The following PCDHA4 variants were observed in gnomAD, a reference collection of about 807,000 sequenced individuals.
PCDHA4 encodes the protein protocadherin alpha-4.
A neutral mutation model predicts 61.4 loss-of-function variants in PCDHA4; 49 were observed. The observed-to-expected ratio is 0.80, with a 90% CI of 0.63 to 1.01. The LOEUF (loss-of-function observed/expected upper bound fraction) is 1.01. PCDHA4 is among the 50% of genes least tolerant of loss of function. PCDHA4 has a pLI of 0.00. For missense variants in PCDHA4, 1,254 were observed against 1,235.8 expected (o/e 1.01, Z -0.22); for synonymous variants, 590 against 550.3 (o/e 1.07, Z -1.01).
chr5:141,001,387 C>T (rs1282982040), intron 3 of PCDHA4, among the ~76,000 whole-genome samples: 3 of 152,188 alleles, frequency 2.0e-5, no homozygotes, highest in African/African-American at 7.2e-5. Context: ...GCCTAAGATC[C>T]TACAGAGAAC....
At chr5:140,841,330 T>C (rs2150313655) in intron 1 of PCDHA4, 15 of 1,609,434 alleles carry the variant, frequency 9.3e-6, no homozygotes, top group Non-Finnish European at 1.1e-5. Context: ...ACATGGATTA[T>C]CACTGGCGAG....
chr5:140,842,962 C>T lies in PCDHA4; in HGVS notation c.2385+33390C>T, dbSNP rs1554139576. 1.9e-6 allele frequency: 3 copies of T among 1,594,834 alleles called. 1 individual carries two copies. The African/African-American group carries it at 4.0e-5, about 21-fold the overall frequency. On this transcript the variant is annotated intron_variant, in intron 1 of 3. Transcript: ENST00000530339. ...ACGCGGGCGTGCCGCCTCTGGGCAG[C>T]AACGTGACGCTGCAGGTGTTCGTGC...
At chr5:140,841,614 G>T in intron 1 of PCDHA4, 2 of 1,614,122 alleles carry the variant, frequency 1.2e-6, no homozygotes, top group South Asian at 1.1e-5. Context: ...CTGTGCGGGC[G>T]GAGCGCGGAG....
intron 1 of PCDHA4, chr5:140,875,547 G>C (rs558501431): frequency 1.2e-6 from 2 of 1,614,152 alleles, no homozygotes; most frequent in Admixed American, 1.7e-5. Context: ...CAGCCTGGGA[G>C]GTGGGGAGCG....
At chr5:140,815,583 T>A (rs1203023917) in intron 1 of PCDHA4, 2 of 152,166 alleles carry the variant, frequency 1.3e-5, no homozygotes, top group African/African-American at 2.4e-5. Flanking sequence ...AATCAGATTT[T>A]AAAATATCAG....
chr5:140,963,386 A>G (rs189164274), intron 1 of PCDHA4, among the ~76,000 whole-genome samples: 2 of 152,344 alleles, frequency 1.3e-5, no homozygotes, highest in Admixed American at 1.3e-4. Flanking sequence ...CTCTGTGCCA[A>G]GCTCCCTACT....
intron 1 of PCDHA4, chr5:140,884,678 A>T (rs781881057): frequency 1.0e-5 from 16 of 1,553,210 alleles, no homozygotes; most frequent in South Asian, 4.9e-5. Context: ...CTTATATTTT[A>T]AAAAATTGTC....
At chr5:140,816,435 C>T (rs2126671679) in intron 1 of PCDHA4, 10 of 151,984 alleles carry the variant, frequency 6.6e-5, no homozygotes, top group African/African-American at 1.2e-4. Flanking sequence ...ATCTTTATGA[C>T]AATTATTTTG....
At chr5:140,869,878 A>G in intron 1 of PCDHA4, 1 of 1,610,122 alleles carries the variant, frequency 6.2e-7, no homozygotes, top group Non-Finnish European at 8.5e-7. Flanking sequence ...TGCTAAAGAA[A>G]CTCTTGTGCT....
rs372699466 is a variant in PCDHA4, at chr5:140,807,817, A to C, written c.630A>C (p.Leu210Phe). Residue 210 changes from leucine to phenylalanine, a missense_variant, in exon 1 of 4, where the codon TTA becomes TTC. Physicochemically the swap from Leu to Phe is conservative, Grantham distance 22. Transcript: ENST00000530339. ...GAGAAGAAGCTCCGGAGATTTTTTT[A>C]GTGCTCACAGCCACTGATGGAGGCA... ...LDREEAPEIF[L>F]VLTATDGGKP... The C allele has an allele frequency of 1.3e-4, 210 of 1,614,050 alleles. No homozygotes were observed. The highest frequency in any genetic ancestry group is 1.7e-4 in the Non-Finnish European group (201 of 1,180,040).
At chr5:140,841,667 G>A in intron 1 of PCDHA4, 1 of 1,614,090 alleles carries the variant, frequency 6.2e-7, no homozygotes, top group Non-Finnish European at 8.5e-7. Flanking sequence ...GCCGCTGCAG[G>A]TTTTCCATGT....
intron 1 of PCDHA4, chr5:140,967,449 C>T (rs2096141880): frequency 1.2e-6 from 2 of 1,613,586 alleles, no homozygotes; most frequent in Non-Finnish European, 1.7e-6. Context: ...CTGGTTCTCA[C>T]AGCCGTGGAT....
chr5:140,870,785 C>T, intron 1 of PCDHA4: 1 of 1,613,662 alleles, frequency 6.2e-7, no homozygotes, highest in East Asian at 2.2e-5. Context: ...AACGACAACG[C>T]GCCGGCACTG....
At chr5:140,881,441 CAGA>C (rs782795888) in intron 1 of PCDHA4, 70 of 829,276 alleles carry the variant, frequency 8.4e-5, no homozygotes, top group Non-Finnish European at 1.0e-4. Context: ...TTTATAAAAA[CAGA>C]ATCCAAAACC....
chr5:140,871,118 G>T (rs1554165149), intron 1 of PCDHA4: 1 of 1,613,306 alleles, frequency 6.2e-7, no homozygotes, highest in African/African-American at 1.3e-5. Context: ...GTGGAGAGCG[G>T]ACAGGCGCCA....
intron 3 of PCDHA4, among the ~76,000 whole-genome samples, chr5:140,992,705 T>C (rs1291266922): frequency 6.6e-6 from 1 of 152,188 alleles, no homozygotes; most frequent in African/African-American, 2.4e-5. Flanking sequence ...GTAATGTTCC[T>C]GCCAGTATTC....
chr5:140,922,799 A>T (rs1188093750), intron 1 of PCDHA4, among the ~76,000 whole-genome samples: 1 of 152,264 alleles, frequency 6.6e-6, no homozygotes, highest in Non-Finnish European at 1.5e-5. Context: ...GCTTTGGAAT[A>T]CAGAAAAAGG....
intron 1 of PCDHA4, among the ~76,000 whole-genome samples, chr5:140,971,297 T>C (rs1246980755): frequency 4.6e-5 from 7 of 152,222 alleles, no homozygotes; most frequent in Non-Finnish European, 1.0e-4. Context: ...TGTACTTTGG[T>C]ACACAAACAT....
At position 140,807,075 on chromosome 5, in the gene PCDHA4, C is replaced by T; in HGVS notation, c.-113C>T. ...TTCTTACTGGAAGGAACCATATACA[C>T]TCTTTGGAGTCTGAAATATGGAGGA... On this transcript the variant is annotated 5_prime_UTR_variant, in exon 1 of 4. Coordinates refer to ENST00000530339, the MANE Select transcript of PCDHA4 (RefSeq NM_018907.4). 1 of 1,229,574 alleles carries T rather than the reference C, an allele frequency of 8.1e-7. No individual in the cohort carries two copies. The highest frequency in any genetic ancestry group is 1.1e-6 in the Non-Finnish European group (1 of 872,278). The allele number at this position is 1,229,574 out of a possible 1,614,324, so 76.2% of individuals were successfully genotyped here. A position where few individuals can be genotyped will look rare whatever the true frequency, so the allele number is the denominator to read the frequency against.
Sources: allele counts gnomAD v4.1 joint callset (sites outside exome capture counted in the v4.1 genomes callset), GRCh38; gene constraint gnomAD v4.1.1; transcripts MANE v1.5; gene names NCBI Gene and HGNC (gene_info 2026-07-23, HGNC 2026-07-21).